PRKACB: variants seen among roughly 807,000 people sequenced by gnomAD.
PRKACB encodes cAMP-dependent protein kinase catalytic subunit beta.
PRKACB carries 16 observed loss-of-function variants against 51.4 expected under a neutral mutation model. The observed-to-expected ratio is 0.31, with a 90% CI of 0.21 to 0.47. The LOEUF is 0.47. PRKACB is among the 20% of genes least tolerant of loss of function. The pLI is 1.00. For synonymous variants in PRKACB, 147 were observed against 154.4 expected (o/e 0.95, Z 0.35); for missense variants, 309 against 464.5 (o/e 0.67, Z 3.08).
chr1:84,181,724 C>A, intron 2 of PRKACB: 1 of 1,513,568 alleles, frequency 6.6e-7, no homozygotes, highest in Non-Finnish European at 8.8e-7. Flanking sequence ...CTGATTTCTT[C>A]ACAGGTAACT....
chr1:84,198,539 C>A (rs1176314863), intron 7 of PRKACB, among the ~76,000 whole-genome samples: 1 of 152,010 alleles, frequency 6.6e-6, no homozygotes, highest in South Asian at 2.1e-4. Context: ...TAAAAGATTT[C>A]TTTCAACTTT....
At position 84,231,755 on chromosome 1, in the gene PRKACB, A is replaced by G. The variant is rs1675700734; in HGVS notation, c.1072-3425A>G. The stretch of plus-strand genomic sequence containing the variant: ...TGATGGTAGTTTGTATTTCTGTGGG[A>G]TTGGTGGTGATATCCCCTTTATCAT... On this transcript the variant is annotated intron_variant, in intron 9 of 9. Transcript: ENST00000370685. Among the ~76,000 whole-genome samples the G allele has an allele frequency of 4.6e-5, 7 of 151,992 alleles. No individual in the cohort carries two copies. The South Asian group carries it at 1.5e-3, about 32-fold the overall frequency.
At chr1:84,135,782 A>T (rs993294652) in intron 1 of PRKACB, among the ~76,000 whole-genome samples, 4 of 152,120 alleles carry the variant, frequency 2.6e-5, no homozygotes, top group African/African-American at 9.6e-5. Flanking sequence ...GGGGAAATTT[A>T]TAGCCTTAAA....
chr1:84,215,732 T>C (rs1457165489), intron 9 of PRKACB, among the ~76,000 whole-genome samples: 2 of 152,340 alleles, frequency 1.3e-5, no homozygotes, highest in East Asian at 1.9e-4. Context: ...ATAGCAGTTA[T>C]CATTTCACTT....
intron 1 of PRKACB, among the ~76,000 whole-genome samples, chr1:84,125,953 C>T (rs961043133): frequency 5.3e-5 from 8 of 152,120 alleles, no homozygotes; most frequent in African/African-American, 1.9e-4. Context: ...CTTGTTTACT[C>T]AGCTCGCAGC....
intron 1 of PRKACB, among the ~76,000 whole-genome samples, chr1:84,171,065 A>G (rs375128616): frequency 6.3e-4 from 95 of 151,810 alleles, no homozygotes; most frequent in African/African-American, 2.1e-3. Context: ...AGCTTTAAAA[A>G]AATCACACAA....
intron 1 of PRKACB, among the ~76,000 whole-genome samples, chr1:84,157,666 C>CT (rs1419984411): frequency 2.0e-5 from 3 of 152,002 alleles, no homozygotes; most frequent in Non-Finnish European, 2.9e-5. Flanking sequence ...TTATCTTTTA[C>CT]TTTTGGCTTC....
chr1:84,212,126 T>C (rs1206413539), intron 8 of PRKACB, among the ~76,000 whole-genome samples: 1 of 152,174 alleles, frequency 6.6e-6, no homozygotes, highest in Non-Finnish European at 1.5e-5. Context: ...GATCTTTTAC[T>C]AGCATAGAAA....
chr1:84,130,124 A>G (rs1652025911), intron 1 of PRKACB, among the ~76,000 whole-genome samples: 1 of 136,598 alleles, frequency 7.3e-6, no homozygotes, highest in Non-Finnish European at 1.5e-5. Context: ...TGGGAGGCGG[A>G]GCTTGCAGTG....
intron 1 of PRKACB, among the ~76,000 whole-genome samples, chr1:84,134,370 T>G (rs1652577961): frequency 6.6e-6 from 1 of 152,146 alleles, no homozygotes; most frequent in Non-Finnish European, 1.5e-5. Flanking sequence ...CTTTTCTGCC[T>G]AGAATTTTTC....
chr1:84,228,445 A>G (rs1045517409), intron 9 of PRKACB, among the ~76,000 whole-genome samples: 1 of 152,184 alleles, frequency 6.6e-6, no homozygotes, highest in African/African-American at 2.4e-5. Flanking sequence ...CCTTCCTCAC[A>G]GTGTTGTACT....
intron 5 of PRKACB, among the ~76,000 whole-genome samples, chr1:84,194,217 G>C (rs962379913): frequency 3.9e-5 from 6 of 152,058 alleles, no homozygotes; most frequent in African/African-American, 1.4e-4. Context: ...AAAAGTTTTT[G>C]TTAACTTTAT....
At chr1:84,134,666 A>C (rs1319259961) in intron 1 of PRKACB, among the ~76,000 whole-genome samples, 1 of 152,250 alleles carries the variant, frequency 6.6e-6, no homozygotes, top group Non-Finnish European at 1.5e-5. Flanking sequence ...AAGAAGAAAA[A>C]TAGGACGGGG....
Position 84,080,808 on chromosome 1 carries a change from A to G in PRKACB, c.46+2437A>G, listed in dbSNP as rs142562921. On this transcript the variant is annotated intron_variant, in intron 1 of 8. Transcript: ENST00000370688. ...CTGACCTCCGAAGAAGCTGGAGTTG[A>G]GATCATACTGTTAGTAATAACAGAG... 1.3e-3 allele frequency among the ~76,000 whole-genome samples: 201 copies of G among 151,104 alleles called. 7 individuals carry two copies. Among genetic ancestry groups the G allele is most frequent in the Middle Eastern group, 0.01 (3 of 294 alleles).
intron 5 of PRKACB, among the ~76,000 whole-genome samples, chr1:84,185,939 T>C (rs1250016211): frequency 6.6e-6 from 1 of 152,172 alleles, no homozygotes; most frequent in Admixed American, 6.5e-5. Context: ...GTTTGAGGCA[T>C]ATACACAGAC....
chr1:84,136,480 A>G (rs1652819895), intron 1 of PRKACB, among the ~76,000 whole-genome samples: 1 of 144,070 alleles, frequency 6.9e-6, no homozygotes, highest in African/African-American at 2.6e-5. Flanking sequence ...ACTTACTAGA[A>G]CGGCCAAAAC....
intron 1 of PRKACB, among the ~76,000 whole-genome samples, chr1:84,137,498 C>G (rs74887680): frequency 2.4e-4 from 37 of 152,090 alleles, no homozygotes; most frequent in Admixed American, 9.8e-4. Context: ...TCTTAATGTA[C>G]GCAAACTTTA....
chr1:84,224,005 T>C (rs639456), intron 9 of PRKACB, among the ~76,000 whole-genome samples: 147,802 of 152,296 alleles, frequency 0.97, 71,899 homozygotes, highest in East Asian at 1. Flanking sequence ...GTGGATGTAT[T>C]ATCATGTTGG....
At chr1:84,118,311 G>A (rs1650794316) in intron 1 of PRKACB, among the ~76,000 whole-genome samples, 1 of 152,074 alleles carries the variant, frequency 6.6e-6, no homozygotes, top group South Asian at 2.1e-4. Flanking sequence ...TTTATAGTAT[G>A]ATTATCTATT....
Sources: allele counts gnomAD v4.1 joint callset (sites outside exome capture counted in the v4.1 genomes callset), GRCh38; gene constraint gnomAD v4.1.1; transcripts MANE v1.5; gene names NCBI Gene and HGNC (gene_info 2026-07-23, HGNC 2026-07-21).